RNGTT: variants seen among roughly 807,000 people sequenced by gnomAD.
RNGTT encodes the protein mRNA-capping enzyme.
Under a neutral mutation model 79.3 loss-of-function variants are expected in RNGTT, and 33 were observed. The observed-to-expected ratio is 0.42, with a 90% CI of 0.32 to 0.56. The LOEUF (loss-of-function observed/expected upper bound fraction) is 0.56. Ranked by LOEUF, RNGTT falls within the 20% of genes least tolerant of loss-of-function variation. The pLI, the probability that RNGTT is intolerant of heterozygous loss-of-function variation, is 0.17. For synonymous variants in RNGTT, 222 were observed against 235.9 expected (o/e 0.94, Z 0.54); for missense variants, 497 against 739.1 (o/e 0.67, Z 3.80).
At chr6:88,830,099 GCAC>G (rs1161528464) in intron 11 of RNGTT, among the ~76,000 whole-genome samples, 1 of 152,090 alleles carries the variant, frequency 6.6e-6, no homozygotes, top group Non-Finnish European at 1.5e-5. Flanking sequence ...GTTCTTCTCA[GCAC>G]CACATCACAC....
At position 88,807,801 on chromosome 6, in the gene RNGTT, C is replaced by A. The variant is rs941793453; in HGVS notation, c.1270-6169G>T. ...TAGGTTTATCATAGTCAAAACCCAG[C>A]AAGAAGGGGGAAAAGATTACAGGCA... On this transcript the variant is annotated intron_variant, in intron 11 of 15. Coordinates refer to ENST00000369485, the MANE Select transcript of RNGTT (RefSeq NM_003800.5). 6.6e-5 allele frequency among the ~76,000 whole-genome samples: 10 copies of A among 151,590 alleles called. No individual in the cohort carries two copies. The South Asian group carries it at 1.5e-3, about 22-fold the overall frequency.
chr6:88,818,353 C>T (rs1003146245), intron 11 of RNGTT, among the ~76,000 whole-genome samples: 6 of 151,810 alleles, frequency 4.0e-5, no homozygotes, highest in African/African-American at 9.7e-5. Context: ...GAGGCTGAAG[C>T]GGGTGGATCA....
intron 12 of RNGTT, among the ~76,000 whole-genome samples, chr6:88,779,900 A>G (rs985700331): frequency 1.3e-5 from 2 of 152,204 alleles, no homozygotes; most frequent in Non-Finnish European, 2.9e-5. Context: ...GGGCCAAGGC[A>G]GGAAAATTGC....
chr6:88,850,894 G>C (rs1248175951), intron 9 of RNGTT, among the ~76,000 whole-genome samples: 3 of 152,072 alleles, frequency 2.0e-5, no homozygotes, highest in South Asian at 4.1e-4. Context: ...CAGATATAAA[G>C]AATATTATAT....
intron 11 of RNGTT, among the ~76,000 whole-genome samples, chr6:88,818,490 G>A (rs1291807711): frequency 1.3e-5 from 2 of 152,112 alleles, no homozygotes; most frequent in Non-Finnish European, 2.9e-5. Flanking sequence ...GAGAAGAATC[G>A]CTTGAACCCG....
intron 8 of RNGTT, among the ~76,000 whole-genome samples, chr6:88,858,514 TAAC>T (rs200255981): frequency 0.021 from 3,162 of 152,262 alleles, 116 homozygotes; most frequent in African/African-American, 0.07. Context: ...TAGCTGATAA[TAAC>T]AACAGGTTAC....
chr6:88,670,576 G>A (rs1247307095), intron 14 of RNGTT, among the ~76,000 whole-genome samples: 1 of 152,168 alleles, frequency 6.6e-6, no homozygotes, highest in Non-Finnish European at 1.5e-5. Flanking sequence ...AAGCAGAAGT[G>A]AGATCAATGG....
intron 13 of RNGTT, among the ~76,000 whole-genome samples, chr6:88,721,604 C>T (rs967967940): frequency 2.0e-4 from 31 of 152,058 alleles, no homozygotes; most frequent in African/African-American, 7.2e-4. Context: ...TCACTGAATC[C>T]CCCAAATCTA....
intron 6 of RNGTT, 92 bp from the exon 7 acceptor site, chr6:88,892,007 G>A (rs1783066700): frequency 1.2e-6 from 1 of 863,472 alleles, no homozygotes; most frequent in Admixed American, 3.2e-5. Flanking sequence ...AGATAAATTA[G>A]TTTGTTCTCA....
intron 4 of RNGTT, among the ~76,000 whole-genome samples, chr6:88,924,297 C>T (rs1376745197): frequency 6.6e-6 from 1 of 152,136 alleles, no homozygotes; most frequent in Non-Finnish European, 1.5e-5. Context: ...TAATTTGTAT[C>T]TCATTAGCAA....
At chr6:88,836,641 C>T (rs1358364952) in intron 11 of RNGTT, among the ~76,000 whole-genome samples, 1 of 151,922 alleles carries the variant, frequency 6.6e-6, no homozygotes, top group Non-Finnish European at 1.5e-5. Context: ...ACTCAGGAGG[C>T]TAAGGCGGGA....
chr6:88,884,816 G>A (rs1298585945), intron 8 of RNGTT, among the ~76,000 whole-genome samples: 2 of 152,162 alleles, frequency 1.3e-5, no homozygotes, highest in Admixed American at 6.5e-5. Context: ...GCTAAAGTCA[G>A]ACCAACTGTT....
chr6:88,768,139 A>AGTGTGTGTGTGTGTGT (rs71021394), intron 13 of RNGTT, among the ~76,000 whole-genome samples: 327 of 148,898 alleles, frequency 2.2e-3, no homozygotes, highest in African/African-American at 6.0e-3. Context: ...ATTTAGGGAT[A>AGTGTGTGTGTGTGTGT]GTGTGTGTGT....
chr6:88,655,964 T>C (rs2127779858), intron 14 of RNGTT, among the ~76,000 whole-genome samples: 1 of 152,286 alleles, frequency 6.6e-6, no homozygotes, highest in East Asian at 1.9e-4. Flanking sequence ...TTTACTAGAC[T>C]TTGACATGCT....
At chr6:88,928,285 C>T (rs2127953107) in intron 4 of RNGTT, among the ~76,000 whole-genome samples, 1 of 152,186 alleles carries the variant, frequency 6.6e-6, no homozygotes, top group East Asian at 1.9e-4. Flanking sequence ...CCACTCCTAG[C>T]AGCATTGTTT....
rs6937994 is a variant in RNGTT, at chr6:88,612,702, C to G, written c.*17G>C. ...CTCATTCCTCTTTCTTCTTAACCCTCAAGTCACAGGCAGGTCTTAGGTTAA... is the reference window on the plus strand; with the variant it reads ...CTCATTCCTCTTTCTTCTTAACCCTGAAGTCACAGGCAGGTCTTAGGTTAA... On this transcript the variant is annotated 3_prime_UTR_variant, in exon 16 of 16. Coordinates refer to ENST00000369485, the MANE Select transcript of RNGTT (RefSeq NM_003800.5). 4.1e-3 allele frequency: 6,554 copies of G among 1,600,774 alleles called. 221 individuals carry two copies. In the African/African-American group the frequency reaches 0.077, roughly 19 times the overall value.
intron 11 of RNGTT, among the ~76,000 whole-genome samples, chr6:88,802,125 A>G (rs1779809780): frequency 6.6e-6 from 1 of 152,204 alleles, no homozygotes; most frequent in Admixed American, 6.5e-5. Flanking sequence ...TAGCTCAAAC[A>G]TGAAGATTAT....
intron 2 of RNGTT, among the ~76,000 whole-genome samples, chr6:88,937,121 T>A (rs1784689810): frequency 6.6e-6 from 1 of 152,058 alleles, no homozygotes; most frequent in African/African-American, 2.4e-5. Context: ...AGCGGGCAGA[T>A]CACGTGAGGT....
chr6:88,677,450 T>C lies in RNGTT; in HGVS notation c.1506+903A>G, dbSNP rs1337262812. Reference sequence around the variant, plus strand: ...TACAGTTTATTGTTCTTCAATTAGATCTCAAAAAAGCTGTTAAAAACATTT... The same window carrying C: ...TACAGTTTATTGTTCTTCAATTAGACCTCAAAAAAGCTGTTAAAAACATTT... On this transcript the variant is annotated intron_variant, in intron 14 of 15. Transcript: ENST00000369485. 3.9e-5 allele frequency among the ~76,000 whole-genome samples: 6 copies of C among 152,086 alleles called. No individual in the cohort carries two copies. In the South Asian group the frequency reaches 1.2e-3, roughly 32 times the overall value.
Sources: gnomAD v4.1 joint callset for allele counts (sites outside exome capture counted in the v4.1 genomes callset) on GRCh38, gnomAD v4.1.1 for gene constraint, MANE v1.5 for transcripts, NCBI Gene and HGNC (gene_info 2026-07-23, HGNC 2026-07-21) for gene names.